Variants in HS2ST1 observed in about 807,000 individuals in gnomAD.
HS2ST1 encodes the protein 2-O-sulfotransferase.
HS2ST1 carries 18 observed loss-of-function variants against 42.9 expected under a neutral mutation model. The observed-to-expected ratio is 0.42, with a 90% CI of 0.29 to 0.62. The LOEUF is 0.62. Ranked by LOEUF, HS2ST1 falls within the 20% of genes least tolerant of loss-of-function variation. HS2ST1 has a pLI of 0.21. For synonymous variants in HS2ST1, 146 were observed against 152.9 expected (o/e 0.95, Z 0.33); for missense variants, 334 against 433.8 (o/e 0.77, Z 2.04).
At chr1:86,944,602 C>A (rs1229772455) in intron 1 of HS2ST1, among the ~76,000 whole-genome samples, 1 of 152,074 alleles carries the variant, frequency 6.6e-6, no homozygotes, top group Non-Finnish European at 1.5e-5. Context: ...TGATCCACCA[C>A]CTTGGTCTCC....
intron 1 of HS2ST1, among the ~76,000 whole-genome samples, chr1:87,059,616 C>T (rs573792186): frequency 5.3e-5 from 8 of 152,238 alleles, no homozygotes; most frequent in African/African-American, 1.9e-4. Flanking sequence ...AAGAAAGAAG[C>T]CTTGAAGTCA....
At chr1:86,960,115 C>T (rs1300504889) in intron 1 of HS2ST1, among the ~76,000 whole-genome samples, 1 of 151,576 alleles carries the variant, frequency 6.6e-6, no homozygotes, top group South Asian at 2.1e-4. Flanking sequence ...CATAGGTAGA[C>T]CACGAATATA....
chr1:87,015,073 A>G lies in HS2ST1; in HGVS notation c.125-57861A>G, dbSNP rs915386194. Among the ~76,000 whole-genome samples, 3 of 151,768 alleles carry G rather than the reference A, an allele frequency of 2.0e-5. No homozygotes were observed. The East Asian group carries it at 5.8e-4, about 29-fold the overall frequency. On this transcript the variant is annotated intron_variant, in intron 1 of 6. Transcript: ENST00000370550. Reference sequence around the variant, plus strand: ...TTTTGTTTGTTTGTTTGTTTGAGACAGAGTGTCGCTCTGTCACCAAGCTGG... The same window carrying G: ...TTTTGTTTGTTTGTTTGTTTGAGACGGAGTGTCGCTCTGTCACCAAGCTGG...
intron 1 of HS2ST1, among the ~76,000 whole-genome samples, chr1:87,025,473 G>A (rs1016871906): frequency 1.3e-5 from 2 of 152,132 alleles, no homozygotes; most frequent in Non-Finnish European, 2.9e-5. Flanking sequence ...TCAGCCCTAG[G>A]ATCACAAAGC....
chr1:86,927,252 A>G (rs1031677427), intron 1 of HS2ST1, among the ~76,000 whole-genome samples: 11 of 152,358 alleles, frequency 7.2e-5, no homozygotes, highest in African/African-American at 2.6e-4. Flanking sequence ...TAGAAAATGC[A>G]TATAGTTTGC....
chr1:87,003,469 A>G (rs1649347994), intron 1 of HS2ST1, among the ~76,000 whole-genome samples: 3 of 152,216 alleles, frequency 2.0e-5, no homozygotes, highest in South Asian at 2.1e-4. Flanking sequence ...TTACGTTACC[A>G]TTAACCTATT....
chr1:87,094,752 G>C (rs891279032), intron 4 of HS2ST1, among the ~76,000 whole-genome samples: 1 of 152,124 alleles, frequency 6.6e-6, no homozygotes, highest in Admixed American at 6.5e-5. Context: ...AGGTAGATAG[G>C]CCATCCTGGA....
At chr1:87,076,064 G>A (rs1362826409) in intron 2 of HS2ST1, among the ~76,000 whole-genome samples, 1 of 152,024 alleles carries the variant, frequency 6.6e-6, no homozygotes, top group African/African-American at 2.4e-5. Context: ...TCAATTTGTG[G>A]TGATCTCACT....
At chr1:86,961,749 A>G (rs1647850279) in intron 1 of HS2ST1, among the ~76,000 whole-genome samples, 1 of 152,092 alleles carries the variant, frequency 6.6e-6, no homozygotes, top group African/African-American at 2.4e-5. Context: ...CCTATACTCC[A>G]TTAGGTAATC....
intron 1 of HS2ST1, among the ~76,000 whole-genome samples, chr1:86,983,590 A>G (rs1252263135): frequency 6.6e-6 from 1 of 152,226 alleles, no homozygotes; most frequent in Admixed American, 6.5e-5. Flanking sequence ...CCATATTAAA[A>G]TAGTACTGAA....
At chr1:86,945,042 G>A (rs1166224168) in intron 1 of HS2ST1, among the ~76,000 whole-genome samples, 1 of 152,014 alleles carries the variant, frequency 6.6e-6, no homozygotes. Flanking sequence ...TTTTCTTGAC[G>A]GTTAATAGTA....
At chr1:87,035,635 T>G (rs569523037) in intron 1 of HS2ST1, among the ~76,000 whole-genome samples, 8 of 152,316 alleles carry the variant, frequency 5.3e-5, no homozygotes, top group African/African-American at 1.4e-4. Context: ...TATAGACATC[T>G]TCTGTACATA....
At chr1:86,956,841 A>T (rs770490686) in intron 1 of HS2ST1, among the ~76,000 whole-genome samples, 1 of 152,338 alleles carries the variant, frequency 6.6e-6, no homozygotes, top group Non-Finnish European at 1.5e-5. Flanking sequence ...TTACACTTTG[A>T]GTAACATGTT....
intron 1 of HS2ST1, among the ~76,000 whole-genome samples, chr1:87,054,345 A>G (rs1343287262): frequency 6.6e-6 from 1 of 151,586 alleles, no homozygotes; most frequent in African/African-American, 2.4e-5. Flanking sequence ...CTCTACCCAT[A>G]AGAATCTGCT....
chr1:87,026,361 G>A (rs1327130592), intron 1 of HS2ST1, among the ~76,000 whole-genome samples: 1 of 152,164 alleles, frequency 6.6e-6, no homozygotes, highest in Non-Finnish European at 1.5e-5. Context: ...TCTTTTGTCT[G>A]AGTGCAGGCA....
intron 4 of HS2ST1, among the ~76,000 whole-genome samples, chr1:87,095,171 A>G (rs897431876): frequency 1.3e-4 from 20 of 152,142 alleles, no homozygotes; most frequent in Admixed American, 1.2e-3. Flanking sequence ...TGTAAAGTTG[A>G]TAAGACTGCA....
chr1:86,917,500 T>C (rs945355840), intron 1 of HS2ST1, among the ~76,000 whole-genome samples: 5 of 147,138 alleles, frequency 3.4e-5, no homozygotes, highest in Admixed American at 1.4e-4. Flanking sequence ...GCCTGGGCAA[T>C]AGAGTGAGAC....
chr1:87,007,295 G>A (rs918207927), intron 1 of HS2ST1, among the ~76,000 whole-genome samples: 4 of 151,966 alleles, frequency 2.6e-5, no homozygotes, highest in Admixed American at 6.6e-5. Context: ...AGAGATCCAT[G>A]TATATGTGTA....
chr1:87,009,920 A>C (rs1040274034), intron 1 of HS2ST1, among the ~76,000 whole-genome samples: 1 of 152,122 alleles, frequency 6.6e-6, no homozygotes, highest in African/African-American at 2.4e-5. Context: ...CTGTAGTCCC[A>C]GCTACTCGGG....
Sources: gnomAD v4.1 joint callset for allele counts (sites outside exome capture counted in the v4.1 genomes callset) on GRCh38, gnomAD v4.1.1 for gene constraint, MANE v1.5 for transcripts, NCBI Gene and HGNC (gene_info 2026-07-23, HGNC 2026-07-21) for gene names.